Variants in SPOCK3 observed in about 807,000 individuals in gnomAD.
SPOCK3 encodes SPARC (osteonectin), cwcv and kazal like domains proteoglycan 3, also known as testican-3.
In SPOCK3, 30 loss-of-function variants were observed where a neutral mutation model predicts 56.6. The observed-to-expected ratio is 0.53, with a 90% CI of 0.40 to 0.72. The LOEUF (loss-of-function observed/expected upper bound fraction) is 0.72, where lower values mean the gene tolerates loss of function less well. SPOCK3 is among the 30% of genes least tolerant of loss of function. The pLI is 0.00. For synonymous variants in SPOCK3, 196 were observed against 183.3 expected, an observed-to-expected ratio of 1.07 and a Z score of -0.56; for missense variants, 527 against 530.0, an observed-to-expected ratio of 0.99 and a Z score of 0.06.
chr4:166,797,575 AGTT>A (rs1192079129), intron 6 of SPOCK3, among the ~76,000 whole-genome samples: 1 of 151,970 alleles, frequency 6.6e-6, no homozygotes, highest in East Asian at 1.9e-4. Context: ...TGAATCATCT[AGTT>A]GTTAGAAATT....
At chr4:166,834,308 G>A (rs1396971300) in intron 6 of SPOCK3, among the ~76,000 whole-genome samples, 1 of 152,126 alleles carries the variant, frequency 6.6e-6, no homozygotes, top group Non-Finnish European at 1.5e-5. Flanking sequence ...GCTTCTGATC[G>A]CTCATAGGTA....
chr4:167,222,511 A>G (rs922656537), intron 2 of SPOCK3, among the ~76,000 whole-genome samples: 3 of 138,114 alleles, frequency 2.2e-5, no homozygotes, highest in African/African-American at 7.8e-5. Context: ...ATATGAATAT[A>G]TAATATATAA....
chr4:166,828,896 T>C (rs1434132617), intron 6 of SPOCK3, among the ~76,000 whole-genome samples: 15 of 152,016 alleles, frequency 9.9e-5, no homozygotes. Flanking sequence ...TTGCTTTTAA[T>C]AGAGAGGAAT....
At chr4:167,200,486 TAC>T (rs1054049227) in intron 2 of SPOCK3, among the ~76,000 whole-genome samples, 1 of 152,040 alleles carries the variant, frequency 6.6e-6, no homozygotes, top group Non-Finnish European at 1.5e-5. Context: ...AGCCACTAGA[TAC>T]ACCATAAAGT....
chr4:167,033,392 CATTATTATT>C (rs55774234), intron 3 of SPOCK3, among the ~76,000 whole-genome samples: 42 of 146,520 alleles, frequency 2.9e-4, no homozygotes, highest in African/African-American at 5.5e-4. Flanking sequence ...AGCAATTATT[CATTATTATT>C]ATTATTATTA....
At chr4:167,072,609 A>T (rs558271828) in intron 2 of SPOCK3, among the ~76,000 whole-genome samples, 1 of 152,102 alleles carries the variant, frequency 6.6e-6, no homozygotes, top group Admixed American at 6.6e-5. Context: ...TAATTTTAAG[A>T]ACGTTAATAG....
intron 3 of SPOCK3, among the ~76,000 whole-genome samples, chr4:167,042,292 G>A (rs1753298637): frequency 6.6e-6 from 1 of 152,204 alleles, no homozygotes; most frequent in Admixed American, 6.5e-5. Flanking sequence ...ATCCTTGGAT[G>A]TGGAACCTAT....
intron 8 of SPOCK3, 84 bp downstream of exon 8, chr4:166,754,424 G>A: frequency 6.7e-7 from 1 of 1,497,808 alleles, no homozygotes; most frequent in Non-Finnish European, 8.9e-7. Context: ...AATGAGCATA[G>A]TGTACTGTTT....
intron 2 of SPOCK3, among the ~76,000 whole-genome samples, chr4:167,082,474 C>T (rs768991791): frequency 3.0e-4 from 46 of 151,880 alleles, no homozygotes; most frequent in Non-Finnish European, 5.7e-4. Context: ...ACATATTGTC[C>T]GTGACTGCTT....
At chr4:166,904,012 CAT>C (rs1736344884) in intron 5 of SPOCK3, among the ~76,000 whole-genome samples, 1 of 151,618 alleles carries the variant, frequency 6.6e-6, no homozygotes, top group Non-Finnish European at 1.5e-5. Flanking sequence ...AAATAATTGT[CAT>C]ATTAATTTTG....
intron 4 of SPOCK3, among the ~76,000 whole-genome samples, chr4:166,988,411 T>C (rs1425349071): frequency 6.6e-6 from 1 of 152,004 alleles, no homozygotes; most frequent in Non-Finnish European, 1.5e-5. Flanking sequence ...TACAGCTTAA[T>C]GCAAATAGAG....
intron 6 of SPOCK3, among the ~76,000 whole-genome samples, chr4:166,876,064 G>C (rs974312957): frequency 6.6e-6 from 1 of 152,180 alleles, no homozygotes; most frequent in African/African-American, 2.4e-5. Flanking sequence ...ACCTATATGG[G>C]ATTGGGAGCA....
intron 2 of SPOCK3, among the ~76,000 whole-genome samples, chr4:167,120,342 C>T (rs189640057): frequency 2.0e-4 from 30 of 152,010 alleles, no homozygotes; most frequent in Middle Eastern, 3.4e-3. Context: ...TATAAATTAC[C>T]TACCACCATA....
chr4:166,985,308 T>C (rs1466975594), intron 4 of SPOCK3, among the ~76,000 whole-genome samples: 1 of 152,166 alleles, frequency 6.6e-6, no homozygotes, highest in Non-Finnish European at 1.5e-5. Flanking sequence ...GGCTATAGTT[T>C]AGACGTAATC....
At chr4:167,061,128 T>C (rs746503165) in intron 3 of SPOCK3, among the ~76,000 whole-genome samples, 46 of 151,968 alleles carry the variant, frequency 3.0e-4, no homozygotes, top group South Asian at 6.2e-4. Context: ...GAGAGATAAA[T>C]TGCAATTCAA....
rs186457214 is a variant in SPOCK3, at chr4:167,086,984, A to G, written c.190-24447T>C. The stretch of plus-strand genomic sequence containing the variant: ...ATATTAATGAGTAGACCGCCCAGAT[A>G]GCAATCATGATGCAGGAATAGCAGA... On this transcript the variant is annotated intron_variant, in intron 2 of 10. Coordinates refer to ENST00000357545, the MANE Select transcript of SPOCK3 (RefSeq NM_001040159.2). Among the ~76,000 whole-genome samples, 398 of 152,272 alleles carry G rather than the reference A, an allele frequency of 2.6e-3. 2 individuals carry two copies. The highest frequency in any genetic ancestry group is 8.9e-3 in the African/African-American group (372 of 41,584).
At position 167,006,319 on chromosome 4, in the gene SPOCK3, G is replaced by T. The variant is rs1392213527; in HGVS notation, c.236-5856C>A. On this transcript the variant is annotated intron_variant, in intron 3 of 10. Coordinates refer to ENST00000357545, the MANE Select transcript of SPOCK3 (RefSeq NM_001040159.2). ...AAGAATCCCGTTTCCTGAGCTTTCG[G>T]TGAGATTCAGAGTAGCTGAAACAAT... Among the ~76,000 whole-genome samples, 3 of 152,094 alleles carry T rather than the reference G, an allele frequency of 2.0e-5. No homozygotes were observed. The East Asian group carries it at 5.8e-4, about 29-fold the overall frequency.
intron 3 of SPOCK3, among the ~76,000 whole-genome samples, chr4:167,051,847 CT>C (rs1263990520): frequency 1.3e-5 from 2 of 152,156 alleles, no homozygotes; most frequent in Non-Finnish European, 2.9e-5. Flanking sequence ...ATTTCACTTC[CT>C]GAAAGTCAGG....
intron 3 of SPOCK3, 24 bp downstream of exon 3, chr4:167,062,468 A>G: frequency 1.9e-6 from 3 of 1,555,336 alleles, no homozygotes; most frequent in Non-Finnish European, 2.6e-6. Context: ...AAAGGTTTTT[A>G]TTTTAAAATA....
Sources: gnomAD v4.1 joint callset for allele counts (sites outside exome capture counted in the v4.1 genomes callset) on GRCh38, gnomAD v4.1.1 for gene constraint, MANE v1.5 for transcripts, NCBI Gene and HGNC (gene_info 2026-07-23, HGNC 2026-07-21) for gene names.